TMEM132C: variants seen among roughly 807,000 people sequenced by gnomAD.
The protein encoded by TMEM132C is protein phosphatase 1, regulatory subunit 152.
In TMEM132C, 29 loss-of-function variants were observed where a neutral mutation model predicts 61.4. That is an observed-to-expected ratio of 0.47 (90% CI 0.35 to 0.64). The LOEUF is 0.64. Among genes scored for constraint, TMEM132C ranks in the 30% least tolerant of loss-of-function variants. The pLI is 0.00. For synonymous variants in TMEM132C, 656 were observed against 633.1 expected (o/e 1.04, Z -0.54); for missense variants, 1,408 against 1,476.9 (o/e 0.95, Z 0.76).
At chr12:128,657,989 T>C (rs1425011186) in intron 4 of TMEM132C, among the ~76,000 whole-genome samples, 1 of 151,648 alleles carries the variant, frequency 6.6e-6, no homozygotes, top group Non-Finnish European at 1.5e-5. Context: ...AAAGCAAAGC[T>C]CCAACAAGGC....
At position 128,414,958 on chromosome 12, in the gene TMEM132C, G is replaced by C. The variant is rs770901400; in HGVS notation, c.312G>C (p.Val104=). 141 of 1,551,634 alleles carry C rather than the reference G, an allele frequency of 9.1e-5. 1 individual carries two copies. The South Asian group carries it at 1.4e-3, about 15-fold the overall frequency. The stretch of plus-strand genomic sequence containing the variant: ...ATGCCAGCTATGGACCCTTTTCTGT[G>C]GAGAAGGTTGTGCCTCTGGACTTGA... ...VLNASYGPFS[V]EKVVPLDLML... is the part of the protein sequence containing the mutation. The change falls in exon 2 of 9, where the codon GTG becomes GTC. Residue 104 remains valine, a synonymous_variant. Transcript: ENST00000435159.
intron 4 of TMEM132C, among the ~76,000 whole-genome samples, chr12:128,645,921 G>A (rs537139315): frequency 6.6e-6 from 1 of 152,276 alleles, no homozygotes; most frequent in East Asian, 1.9e-4. Flanking sequence ...GTGTTTACTG[G>A]AGTCCATCAG....
At chr12:128,660,301 G>A (rs1954374284) in intron 4 of TMEM132C, among the ~76,000 whole-genome samples, 1 of 152,162 alleles carries the variant, frequency 6.6e-6, no homozygotes, top group Non-Finnish European at 1.5e-5. Flanking sequence ...TGATTCTGGT[G>A]CTCAAAAATG....
At chr12:128,600,121 T>C (rs968222089) in intron 3 of TMEM132C, among the ~76,000 whole-genome samples, 1 of 152,158 alleles carries the variant, frequency 6.6e-6, no homozygotes, top group Non-Finnish European at 1.5e-5. Context: ...TAGCTGGGAC[T>C]ACAGACGCCC....
intron 2 of TMEM132C, among the ~76,000 whole-genome samples, chr12:128,423,339 A>C (rs1384145142): frequency 1.3e-5 from 2 of 152,118 alleles, no homozygotes; most frequent in Non-Finnish European, 2.9e-5. Context: ...AGGCCCAGTC[A>C]TTTTATCAGT....
chr12:128,644,320 C>T (rs1406458609), intron 4 of TMEM132C, among the ~76,000 whole-genome samples: 2 of 152,160 alleles, frequency 1.3e-5, no homozygotes, highest in East Asian at 3.8e-4. Flanking sequence ...TCATAATCTC[C>T]AAAACCCAAA....
At chr12:128,686,415 C>T (rs533562891) in intron 5 of TMEM132C, among the ~76,000 whole-genome samples, 3 of 152,292 alleles carry the variant, frequency 2.0e-5, no homozygotes, top group African/African-American at 7.2e-5. Context: ...CATAGCAAGA[C>T]CCCATCTCTT....
At chr12:128,677,426 G>A (rs963247065) in intron 5 of TMEM132C, among the ~76,000 whole-genome samples, 29 of 152,152 alleles carry the variant, frequency 1.9e-4, no homozygotes, top group African/African-American at 6.8e-4. Context: ...AGAATCTTAC[G>A]GAGATGATGG....
rs866142379 is a variant in TMEM132C at position 128,340,482 on chromosome 12, G to A, written c.85+72995G>A. ...TTCATAAGGAAATATAAATAGACTAGTAGGGAAAAAAGTAAGACCAGGGTG... is the reference window on the plus strand; with the variant it reads ...TTCATAAGGAAATATAAATAGACTAATAGGGAAAAAAGTAAGACCAGGGTG... On this transcript the variant is annotated intron_variant, in intron 1 of 8. Coordinates refer to ENST00000435159, the MANE Select transcript of TMEM132C (RefSeq NM_001136103.3). Among the ~76,000 whole-genome samples, 9 of 152,196 alleles carry A rather than the reference G, an allele frequency of 5.9e-5. No individual in the cohort carries two copies. The South Asian group carries it at 1.9e-3, about 32-fold the overall frequency.
intron 1 of TMEM132C, among the ~76,000 whole-genome samples, chr12:128,287,641 C>T (rs952664472): frequency 6.6e-6 from 1 of 152,208 alleles, no homozygotes; most frequent in Non-Finnish European, 1.5e-5. Context: ...GATATAATCA[C>T]ATTGGTCAAA....
At chr12:128,354,880 G>T (rs1873450967) in intron 1 of TMEM132C, among the ~76,000 whole-genome samples, 1 of 152,102 alleles carries the variant, frequency 6.6e-6, no homozygotes, top group African/African-American at 2.4e-5. Flanking sequence ...ATTATCACCA[G>T]GTAGCCTGAA....
At position 128,685,675 on chromosome 12, in the gene TMEM132C, C is replaced by T. The variant is rs905283093; in HGVS notation, c.1450-8154C>T. ...ATGGGGAGAGGAAGTAGACCCTGTC[C>T]ATGATGGAGGAGAAGGCGGGCCTCC... On this transcript the variant is annotated intron_variant, in intron 5 of 8. Transcript: ENST00000435159. 3.3e-5 allele frequency among the ~76,000 whole-genome samples: 5 copies of T among 152,184 alleles called. No homozygotes were observed. The East Asian group carries it at 9.6e-4, about 29-fold the overall frequency.
chr12:128,307,826 C>G (rs768334898), intron 1 of TMEM132C, among the ~76,000 whole-genome samples: 5 of 152,192 alleles, frequency 3.3e-5, no homozygotes, highest in Non-Finnish European at 7.3e-5. Flanking sequence ...CAATGGGTCC[C>G]CCACTCCCAC....
chr12:128,657,040 G>A (rs1261034720), intron 4 of TMEM132C, among the ~76,000 whole-genome samples: 2 of 152,070 alleles, frequency 1.3e-5, no homozygotes, highest in African/African-American at 2.4e-5. Context: ...CCAGACGTGT[G>A]TTTCCTTTCA....
In TMEM132C at chr12:128,570,230, C is replaced by T. The variant is rs1874831498; in HGVS notation, c.1121+26127C>T. The stretch of plus-strand genomic sequence containing the variant: ...CCCACCCCCGCACCCCCCACACACT[C>T]ACACTGTGGTCACATTGAGAAAAGA... On this transcript the variant is annotated intron_variant, in intron 3 of 8. Transcript: ENST00000435159. This position sits in a 1 kb window ranked among gnomAD's most constrained non-coding sequence, Gnocchi z 4.7. 6.6e-6 allele frequency among the ~76,000 whole-genome samples: 1 copy of T among 152,132 alleles called. No individual in the cohort carries two copies. The highest frequency in any genetic ancestry group is 2.4e-5 in the African/African-American group (1 of 41,414).
intron 3 of TMEM132C, among the ~76,000 whole-genome samples, chr12:128,571,193 C>T (rs531821965): frequency 1.3e-5 from 2 of 152,274 alleles, no homozygotes; most frequent in African/African-American, 4.8e-5. Flanking sequence ...CTCTCTGTGT[C>T]CTTGATGACA....
At chr12:128,414,060 G>A (rs1359049437) in intron 1 of TMEM132C, among the ~76,000 whole-genome samples, 1 of 151,502 alleles carries the variant, frequency 6.6e-6, no homozygotes, top group Non-Finnish European at 1.5e-5. Context: ...TTTCTTAATG[G>A]CTGTACAGTT....
chr12:128,293,266 T>C (rs1913616), intron 1 of TMEM132C, among the ~76,000 whole-genome samples: 35,026 of 152,104 alleles, frequency 0.23, 4,555 homozygotes, highest in East Asian at 0.5. Flanking sequence ...GGCCGTTTCA[T>C]TGCAGAAATT....
intron 2 of TMEM132C, among the ~76,000 whole-genome samples, chr12:128,491,598 C>T (rs187874231): frequency 3.9e-4 from 60 of 152,266 alleles, no homozygotes; most frequent in Middle Eastern, 6.8e-3. Context: ...TCAGCGTGTC[C>T]TCAACTGGAT....
Sources: allele counts gnomAD v4.1 joint callset (sites outside exome capture counted in the v4.1 genomes callset), GRCh38; gene constraint gnomAD v4.1.1; non-coding constraint Gnocchi (gnomAD v3.1); transcripts MANE v1.5; gene names NCBI Gene and HGNC (gene_info 2026-07-23, HGNC 2026-07-21).